The following LDLRAD3 variants were observed in gnomAD, a reference collection of about 807,000 sequenced individuals.
The protein encoded by LDLRAD3 is low-density lipoprotein receptor class A domain-containing protein 3.
LDLRAD3 carries 20 observed loss-of-function variants against 29.4 expected under a neutral mutation model. The ratio of observed to expected loss-of-function variants is 0.68; its 90% confidence interval spans 0.48 to 0.99. The LOEUF is 0.99. Among genes scored for constraint, LDLRAD3 ranks in the 50% least tolerant of loss-of-function variants. LDLRAD3 has a pLI of 0.00. For synonymous variants in LDLRAD3, 157 were observed against 192.7 expected, an observed-to-expected ratio of 0.81 and a Z score of 1.53; for missense variants, 420 against 454.3, an observed-to-expected ratio of 0.92 and a Z score of 0.69.
intron 4 of LDLRAD3, among the ~76,000 whole-genome samples, chr11:36,140,992 TTCTCTCTC>T (rs557939353): frequency 0.043 from 4,766 of 110,038 alleles, 105 homozygotes; most frequent in African/African-American, 0.059. Context: ...CTGTTGAGCT[TTCTCTCTC>T]TCTCTCTCTC....
At chr11:36,121,836 C>T (rs530194554) in intron 4 of LDLRAD3, among the ~76,000 whole-genome samples, 31 of 152,362 alleles carry the variant, frequency 2.0e-4, no homozygotes, top group Admixed American at 7.8e-4. Flanking sequence ...CCTTCTTCCT[C>T]ACAAATCCAG....
At chr11:36,153,814 T>C (rs986949953) in intron 4 of LDLRAD3, among the ~76,000 whole-genome samples, 1 of 152,168 alleles carries the variant, frequency 6.6e-6, no homozygotes, top group African/African-American at 2.4e-5. Flanking sequence ...TTTCTCTAGC[T>C]TGCTTTGCTT....
At chr11:35,955,001 T>C (rs1851183544) in intron 1 of LDLRAD3, among the ~76,000 whole-genome samples, 1 of 152,210 alleles carries the variant, frequency 6.6e-6, no homozygotes, top group South Asian at 2.1e-4. Flanking sequence ...GGCTTACACC[T>C]TGGGAGGCCG....
At chr11:36,037,111 T>G (rs7128336) in intron 2 of LDLRAD3, among the ~76,000 whole-genome samples, 7,428 of 152,194 alleles carry the variant, frequency 0.049, 223 homozygotes, top group South Asian at 0.12. Context: ...GTAGGAAGCA[T>G]GACTGACAAG....
intron 4 of LDLRAD3, among the ~76,000 whole-genome samples, chr11:36,121,562 G>C (rs1042866389): frequency 2.6e-5 from 4 of 152,216 alleles, no homozygotes; most frequent in Non-Finnish European, 5.9e-5. Context: ...GGTGCGCCAT[G>C]AGTATCAAAT....
intron 2 of LDLRAD3, among the ~76,000 whole-genome samples, chr11:36,053,537 G>T (rs1180396341): frequency 6.6e-6 from 1 of 152,118 alleles, no homozygotes; most frequent in Non-Finnish European, 1.5e-5. Flanking sequence ...ACCTGTCCAA[G>T]AAATAAACAT....
chr11:36,167,392 A>G (rs1311412728), intron 4 of LDLRAD3, among the ~76,000 whole-genome samples: 1 of 152,226 alleles, frequency 6.6e-6, no homozygotes, highest in African/African-American at 2.4e-5. Flanking sequence ...AGCCTAGCTA[A>G]GTTGACACAT....
chr11:36,088,150 C>T lies in LDLRAD3; in HGVS notation c.319+6372C>T, dbSNP rs1309686037. Among the ~76,000 whole-genome samples, 7 of 152,264 alleles carry T rather than the reference C, an allele frequency of 4.6e-5. No homozygotes were observed. The East Asian group carries it at 1.4e-3, about 29-fold the overall frequency. On this transcript the variant is annotated intron_variant, in intron 3 of 5. Coordinates refer to ENST00000315571, the MANE Select transcript of LDLRAD3 (RefSeq NM_174902.4). ...AATTACAGGTGTGAGCCACCCCACCCAGCCCCCCAAAACCAGTATTTTCTT... is the reference window on the plus strand; with the variant it reads ...AATTACAGGTGTGAGCCACCCCACCTAGCCCCCCAAAACCAGTATTTTCTT...
intron 1 of LDLRAD3, among the ~76,000 whole-genome samples, chr11:36,032,270 G>C (rs1340466514): frequency 1.3e-5 from 2 of 152,182 alleles, no homozygotes; most frequent in African/African-American, 4.8e-5. Context: ...AATGTCCGGG[G>C]TCAGCAAACA....
At chr11:36,096,477 C>G (rs7120328) in intron 3 of LDLRAD3, among the ~76,000 whole-genome samples, 67,422 of 152,090 alleles carry the variant, frequency 0.44, 15,531 homozygotes, top group Non-Finnish European at 0.51. Flanking sequence ...ATTCCCCGAG[C>G]TCTGGGATGA....
chr11:36,155,997 C>T (rs1201795374), intron 4 of LDLRAD3, among the ~76,000 whole-genome samples: 1 of 152,140 alleles, frequency 6.6e-6, no homozygotes, highest in African/African-American at 2.4e-5. Flanking sequence ...TCATGTTCTG[C>T]CTCACCATTT....
At chr11:36,029,032 C>T (rs915460651) in intron 1 of LDLRAD3, among the ~76,000 whole-genome samples, 4 of 152,186 alleles carry the variant, frequency 2.6e-5, no homozygotes, top group African/African-American at 9.7e-5. Flanking sequence ...ATCACAGGGT[C>T]AGGAGATCGA....
chr11:36,073,650 G>A (rs964149065), intron 2 of LDLRAD3, among the ~76,000 whole-genome samples: 5 of 152,258 alleles, frequency 3.3e-5, no homozygotes, highest in South Asian at 2.1e-4. Flanking sequence ...GGCATGTGAT[G>A]ATGCAAATGT....
intron 4 of LDLRAD3, among the ~76,000 whole-genome samples, chr11:36,130,764 A>G (rs1853914357): frequency 6.6e-6 from 1 of 152,176 alleles, no homozygotes; most frequent in African/African-American, 2.4e-5. Flanking sequence ...TATTATCATC[A>G]TCCCCACTTG....
At chr11:35,979,981 G>A (rs532771110) in intron 1 of LDLRAD3, among the ~76,000 whole-genome samples, 78 of 152,216 alleles carry the variant, frequency 5.1e-4, no homozygotes, top group Middle Eastern at 3.4e-3. Flanking sequence ...TATCTAAACC[G>A]GCTGTTTAAG....
chr11:36,032,411 A>G (rs1852246853), intron 1 of LDLRAD3, among the ~76,000 whole-genome samples: 1 of 152,190 alleles, frequency 6.6e-6, no homozygotes, highest in South Asian at 2.1e-4. Context: ...TTTTAGATTT[A>G]TTCTGAGGAC....
At chr11:36,189,655 TG>T (rs1341879648) in intron 4 of LDLRAD3, among the ~76,000 whole-genome samples, 1 of 152,108 alleles carries the variant, frequency 6.6e-6, no homozygotes, top group Non-Finnish European at 1.5e-5. Context: ...TGTATACATG[TG>T]CCATGTTGGT....
At chr11:35,946,981 G>A (rs770852552) in intron 1 of LDLRAD3, among the ~76,000 whole-genome samples, 207 of 152,242 alleles carry the variant, frequency 1.4e-3, no homozygotes, top group Non-Finnish European at 1.2e-3. Flanking sequence ...TGGGGTGTGA[G>A]ATGTTTTTTC....
intron 4 of LDLRAD3, among the ~76,000 whole-genome samples, chr11:36,178,919 T>C (rs547520316): frequency 3.3e-5 from 5 of 152,312 alleles, no homozygotes; most frequent in Admixed American, 1.3e-4. Flanking sequence ...TGATTGTAAG[T>C]GTCTTGAGGT....
Sources: gnomAD v4.1 joint callset for allele counts (sites outside exome capture counted in the v4.1 genomes callset) on GRCh38, gnomAD v4.1.1 for gene constraint, MANE v1.5 for transcripts, NCBI Gene and HGNC (gene_info 2026-07-23, HGNC 2026-07-21) for gene names.